The following HOXA3 variants were observed in gnomAD, a reference collection of about 807,000 sequenced individuals.
HOXA3 encodes the protein homeobox A3, also known as homeobox protein Hox-A3.
In HOXA3, 8 loss-of-function variants were observed where a neutral mutation model predicts 30.3. The observed-to-expected ratio is 0.26, with a 90% CI of 0.15 to 0.48. The LOEUF (loss-of-function observed/expected upper bound fraction) is 0.48. Among genes scored for constraint, HOXA3 ranks in the 20% least tolerant of loss-of-function variants. The probability of loss-of-function intolerance (pLI) is 0.99; values close to 1 mark genes in which losing one functional copy is unlikely to be tolerated. For synonymous variants in HOXA3, 323 were observed against 273.1 expected, an observed-to-expected ratio of 1.18 and a Z score of -1.80; for missense variants, 653 against 614.4, an observed-to-expected ratio of 1.06 and a Z score of -0.66.
rs1785423213 is a variant in HOXA3, at chr7:27,129,455, G to A, written c.-389-2385C>T. 8 of 1,614,154 alleles carry A rather than the reference G, an allele frequency of 5.0e-6. No individual in the cohort carries two copies. The East Asian group carries it at 1.3e-4, about 27-fold the overall frequency. ...CAGAGCGTGTGGGCGATCTCGATGC[G>A]GCGCCGCCGGGTCAGGTATCGATTG... On this transcript the variant is annotated intron_variant, in intron 2 of 5. Transcript: ENST00000612286.
chr7:27,146,792 G>C (rs1283240191), intron 1 of HOXA3, among the ~76,000 whole-genome samples: 1 of 152,040 alleles, frequency 6.6e-6, no homozygotes, highest in Non-Finnish European at 1.5e-5. Flanking sequence ...AGGGAGGAGA[G>C]AGAAAAAAAT....
rs759274828 is a variant in HOXA3 at position 27,108,306 on chromosome 7, G to A, written c.941C>T (p.Ala314Val). 1.3e-6 allele frequency: 2 copies of A among 1,522,874 alleles called. No homozygotes were observed. Among genetic ancestry groups the A allele is most frequent in the Non-Finnish European group, 1.8e-6 (2 of 1,134,288 alleles). The allele number at this position is 1,522,874 out of a possible 1,614,324, so 94.3% of individuals were successfully genotyped here. Residue 314 changes from alanine to valine, a missense_variant, in exon 6 of 6, where the codon GCG (alanine) becomes GTG (valine). Around this residue, in one of 3 missense-constraint regions of HOXA3, gnomAD observed 330 missense variants for 274.4 expected, o/e 1.20. Transcript: ENST00000612286. The surrounding 1 kb of genome is among the most constrained non-coding windows in gnomAD (Gnocchi z 5.0). ...CGGGGGTGCGCAGCTGGGCAGGGAC[G>A]CAGGGTAGGAGGCGGGGGGCAGCCC... ...TYGLPPASYP[A>V]SLPSCAPPPP... is the part of the protein sequence containing the mutation.
chr7:27,152,177 T>G, intron 1 of HOXA3, 111 bp downstream of exon 1: 1 of 462,780 alleles, frequency 2.2e-6, no homozygotes, highest in Non-Finnish European at 3.6e-6. Context: ...TGAGTATGGG[T>G]AAGGGGGAGT....
intron 4 of HOXA3, chr7:27,116,134 A>G (rs1784711115): frequency 2.6e-5 from 4 of 152,608 alleles, no homozygotes. Context: ...CTTTACTGAG[A>G]GGACCCCTTG....
chr7:27,108,046 C>A lies in HOXA3; in HGVS notation c.1201G>T (p.Ala401Ser), dbSNP rs1238246500. Residue 401 changes from alanine (A) to serine (S), a missense_variant, in exon 6 of 6, where the codon GCC (alanine) becomes TCC (serine). Around this residue, in one of 3 missense-constraint regions of HOXA3, gnomAD observed 330 missense variants for 274.4 expected, o/e 1.20. Transcript: ENST00000612286. The surrounding 1 kb of genome is among the most constrained non-coding windows in gnomAD (Gnocchi z 5.0). ...TGGTGGCCGCTGCCCAGCGGCCCGGCACCCCCATAGTCCATGGCGCCCGAG... is the reference window on the plus strand; with the variant it reads ...TGGTGGCCGCTGCCCAGCGGCCCGGAACCCCCATAGTCCATGGCGCCCGAG... ...AASGAMDYGG[A>S]GPLGSGHHHG... 1 of 1,612,918 alleles carries A rather than the reference C, an allele frequency of 6.2e-7. No homozygotes were observed. The highest frequency in any genetic ancestry group is 8.5e-7 in the Non-Finnish European group (1 of 1,179,364).
intron 5 of HOXA3, among the ~76,000 whole-genome samples, chr7:27,109,287 G>A (rs1583415773): frequency 6.6e-6 from 1 of 152,300 alleles, no homozygotes; most frequent in East Asian, 1.9e-4. Context: ...GGAGGCCTAG[G>A]CCCTTCATGC....
In HOXA3 at chr7:27,142,138, G is replaced by T. The variant is rs207467748; in HGVS notation, c.-493-1952C>A. On this transcript the variant is annotated intron_variant, in intron 1 of 5. Transcript: ENST00000612286. ...CACCAACTCCTGTCTTCCAAAGTCC[G>T]CCAGGGGGACAAGCTTGGGTCATGA... 7.0e-6 allele frequency: 11 copies of T among 1,580,092 alleles called. 1 individual carries two copies. In the East Asian group the frequency reaches 1.3e-4, roughly 19 times the overall value.
chr7:27,114,043 G>A (rs1453927007), intron 4 of HOXA3: 1 of 151,806 alleles, frequency 6.6e-6, no homozygotes, highest in Non-Finnish European at 1.5e-5. Flanking sequence ...GTCCGGGGGT[G>A]CGGTGGGGGG....
chr7:27,134,572 C>A (rs1423532020), intron 2 of HOXA3, among the ~76,000 whole-genome samples: 1 of 152,148 alleles, frequency 6.6e-6, no homozygotes, highest in Admixed American at 6.5e-5. Flanking sequence ...GTTGACTCAT[C>A]GAGGGGTTTC....
At chr7:27,111,443 C>T (rs915465443) in intron 4 of HOXA3, among the ~76,000 whole-genome samples, 22 of 151,572 alleles carry the variant, frequency 1.5e-4, no homozygotes, top group Admixed American at 7.9e-4. Flanking sequence ...CCCCTTGTGG[C>T]CAAGCCAAGG....
intron 1 of HOXA3, chr7:27,151,729 C>T (rs1782979349): frequency 2.2e-6 from 1 of 456,256 alleles, no homozygotes. Flanking sequence ...GAAACCAATT[C>T]CCACGGAGTA....
Position 27,108,362 on chromosome 7 carries a change from C to T in HOXA3, c.885G>A (p.Pro295=). 6.5e-7 allele frequency: 1 copy of T among 1,537,830 alleles called. No individual in the cohort carries two copies. Among genetic ancestry groups the T allele is most frequent in the South Asian group, 1.2e-5 (1 of 83,354 alleles). The change falls in exon 6 of 6, where the codon CCG becomes CCA. Residue 295 remains proline, a synonymous_variant. Transcript: ENST00000612286. This position sits in a 1 kb window ranked among gnomAD's most constrained non-coding sequence, Gnocchi z 5.0. ...NSVPYEPQSP[P]PFSKPPQGTY... ...TACCCTGGGGGGGCTTGGAGAAGGG[C>T]GGGGGCGACTGGGGCTCATACGGGA...
chr7:27,111,491 T>C (rs1583419208), intron 4 of HOXA3, among the ~76,000 whole-genome samples: 1 of 113,324 alleles, frequency 8.8e-6, no homozygotes, highest in Non-Finnish European at 2.1e-5. Context: ...ATTGCGTGTG[T>C]GTGTGTGTGT....
intron 2 of HOXA3, among the ~76,000 whole-genome samples, chr7:27,139,698 C>T (rs899556565): frequency 5.3e-5 from 8 of 152,276 alleles, no homozygotes; most frequent in African/African-American, 1.9e-4. Context: ...CTCCGCGACC[C>T]CCAGGAGCTG....
At chr7:27,114,634 G>A (rs897075573) in intron 4 of HOXA3, among the ~76,000 whole-genome samples, 40 of 149,394 alleles carry the variant, frequency 2.7e-4, no homozygotes, top group African/African-American at 9.6e-4. Context: ...AAACAAGGGT[G>A]TTTAGAAACG....
intron 1 of HOXA3, among the ~76,000 whole-genome samples, chr7:27,148,480 G>T (rs563857131): frequency 6.6e-6 from 1 of 152,220 alleles, no homozygotes; most frequent in East Asian, 1.9e-4. Flanking sequence ...GGATCACCTC[G>T]AGCTGACCAG....
chr7:27,119,628 T>C (rs1325810323), intron 4 of HOXA3: 1 of 152,148 alleles, frequency 6.6e-6, no homozygotes, highest in Non-Finnish European at 1.5e-5. Flanking sequence ...TCCTGGAGAA[T>C]GGGTCTTCAG....
chr7:27,145,447 GT>G (rs59216850), intron 1 of HOXA3: 353,800 of 517,828 alleles, frequency 0.68, 112,114 homozygotes, highest in East Asian at 0.75. Context: ...TGTGTGTGAG[GT>G]TTTGTTTTGT....
At chr7:27,127,505 G>C (rs1490412726) in intron 2 of HOXA3, among the ~76,000 whole-genome samples, 1 of 152,216 alleles carries the variant, frequency 6.6e-6, no homozygotes, top group Non-Finnish European at 1.5e-5. Context: ...ATATTGCAGA[G>C]GCAGGTGAGC....
Sources: gnomAD v4.1 joint callset for allele counts (sites outside exome capture counted in the v4.1 genomes callset) on GRCh38, gnomAD v4.1.1 for gene constraint, gnomAD v4.1.1 regional missense constraint, Gnocchi (gnomAD v3.1) non-coding constraint, MANE v1.5 for transcripts, NCBI Gene and HGNC (gene_info 2026-07-23, HGNC 2026-07-21) for gene names.